Variants in OSBPL9 observed in about 807,000 individuals in gnomAD.
OSBPL9 encodes oxysterol-binding protein-related protein 9.
OSBPL9 carries 40 observed loss-of-function variants against 106.6 expected under a neutral mutation model. That is an observed-to-expected ratio of 0.38 (90% CI 0.29 to 0.49). OSBPL9 has a LOEUF of 0.49. Ranked by LOEUF, OSBPL9 falls within the 20% of genes least tolerant of loss-of-function variation. OSBPL9 has a pLI of 0.97. For missense variants in OSBPL9, 609 were observed against 887.2 expected (o/e 0.69, Z 3.98); for synonymous variants, 269 against 295.4 (o/e 0.91, Z 0.92).
At chr1:51,783,709 A>G (rs1676938258) in intron 17 of OSBPL9, among the ~76,000 whole-genome samples, 2 of 152,152 alleles carry the variant, frequency 1.3e-5, no homozygotes, top group Admixed American at 1.3e-4. Flanking sequence ...GCATCATTTC[A>G]GGGATGATCC....
intron 2 of OSBPL9, among the ~76,000 whole-genome samples, chr1:51,609,939 G>C (rs1170151094): frequency 3.3e-5 from 5 of 151,734 alleles, no homozygotes; most frequent in African/African-American, 9.7e-5. Flanking sequence ...AGTAGAGATG[G>C]GGTTTCACCA....
At chr1:51,617,290 G>A (rs879805512) in intron 1 of OSBPL9, 69 bp downstream of exon 1, 1 of 1,477,352 alleles carries the variant, frequency 6.8e-7, no homozygotes, top group Admixed American at 2.2e-5. Context: ...TGGGGGACCG[G>A]GGTTTTAGGT....
the OSBPL9 span, among the ~76,000 whole-genome samples, chr1:51,549,441 C>G: frequency 1.3e-5 from 2 of 152,190 alleles, no homozygotes; most frequent in African/African-American, 4.8e-5. Context: ...GATCCTGCAC[C>G]TGCTATGTTC....
chr1:51,526,025 C>T, the OSBPL9 span, among the ~76,000 whole-genome samples: 1 of 152,124 alleles, frequency 6.6e-6, no homozygotes, highest in East Asian at 1.9e-4. Context: ...TACAGGTTCA[C>T]ACCACCACAC....
chr1:51,714,199 G>A, intron 4 of OSBPL9, 120 bp downstream of exon 4: 2 of 654,806 alleles, frequency 3.1e-6, no homozygotes, highest in Non-Finnish European at 4.9e-6. Context: ...TATAATTTCT[G>A]AGTTGCTTAT....
Position 51,787,910 on chromosome 1 carries a change from C to A in OSBPL9, c.*121C>A. Reference sequence around the variant, plus strand: ...CTTCTAATTACAGTGGTTCCTATCTCAGGGATACTGGACTTTCTGACGCAG... The same window carrying A: ...CTTCTAATTACAGTGGTTCCTATCTAAGGGATACTGGACTTTCTGACGCAG... On this transcript the variant is annotated 3_prime_UTR_variant, in exon 24 of 24. Coordinates refer to ENST00000428468, the MANE Select transcript of OSBPL9 (RefSeq NM_024586.6). 1.1e-6 allele frequency: 1 copy of A among 874,620 alleles called. No homozygotes were observed. Among genetic ancestry groups the A allele is most frequent in the Non-Finnish European group, 1.8e-6 (1 of 547,376 alleles). 54.2% of individuals were successfully genotyped at this position (874,620 alleles called of 1,614,324 possible).
chr1:51,704,733 A>C (rs1206410792), intron 3 of OSBPL9, among the ~76,000 whole-genome samples: 1 of 152,194 alleles, frequency 6.6e-6, no homozygotes, highest in Non-Finnish European at 1.5e-5. Flanking sequence ...CACATTAAAG[A>C]GGGTTCTACC....
intron 2 of OSBPL9, among the ~76,000 whole-genome samples, chr1:51,665,024 C>T (rs1648104483): frequency 6.6e-6 from 1 of 152,238 alleles, no homozygotes; most frequent in Admixed American, 6.5e-5. Flanking sequence ...TGTTATCCAA[C>T]AGACCTTTCT....
upstream of OSBPL9, chr1:51,617,005 G>C (rs1216559554): frequency 6.6e-7 from 1 of 1,513,210 alleles, no homozygotes; most frequent in Non-Finnish European, 8.8e-7. Context: ...CACCGCCCAG[G>C]ACCCGCCCAG....
chr1:51,607,136 A>G (rs930683747), intron 2 of OSBPL9, among the ~76,000 whole-genome samples: 9 of 151,038 alleles, frequency 6.0e-5, no homozygotes, highest in African/African-American at 2.2e-4. Flanking sequence ...CAAACTGACT[A>G]CAGATGTTTT....
chr1:51,676,748 T>C (rs1651333840), intron 3 of OSBPL9, among the ~76,000 whole-genome samples: 1 of 151,960 alleles, frequency 6.6e-6, no homozygotes, highest in Admixed American at 6.6e-5. Flanking sequence ...TTCAAACCAT[T>C]CCACAATGTA....
intron 12 of OSBPL9, among the ~76,000 whole-genome samples, chr1:51,770,137 A>ATT (rs111908339): frequency 5.7e-5 from 8 of 141,320 alleles, no homozygotes; most frequent in South Asian, 4.5e-4. Context: ...TGCCCAGCTA[A>ATT]TTTTTTTTTT....
At chr1:51,609,650 C>G (rs1643972745) in intron 2 of OSBPL9, among the ~76,000 whole-genome samples, 1 of 151,892 alleles carries the variant, frequency 6.6e-6, no homozygotes, top group African/African-American at 2.4e-5. Flanking sequence ...CACTCCTGGC[C>G]AGCTACCGCC....
intron 4 of OSBPL9, among the ~76,000 whole-genome samples, chr1:51,737,897 A>G (rs1278361995): frequency 6.6e-6 from 1 of 152,080 alleles, no homozygotes; most frequent in East Asian, 1.9e-4. Context: ...GAGGGTGACC[A>G]TGTAATTTAT....
intron 1 of OSBPL9, among the ~76,000 whole-genome samples, chr1:51,647,404 G>A (rs138981056): frequency 3.9e-5 from 6 of 152,058 alleles, no homozygotes; most frequent in Middle Eastern, 3.4e-3. Flanking sequence ...TCTGGTTTTG[G>A]TATTAGAATA....
intron 1 of OSBPL9, among the ~76,000 whole-genome samples, chr1:51,581,939 G>C (rs150928193): frequency 6.6e-6 from 1 of 152,048 alleles, no homozygotes; most frequent in East Asian, 1.9e-4. Flanking sequence ...GACGCTCAAG[G>C]CTCATCTTGT....
At chr1:51,592,721 A>G (rs1645283014) in intron 1 of OSBPL9, among the ~76,000 whole-genome samples, 2 of 152,140 alleles carry the variant, frequency 1.3e-5, no homozygotes, top group Non-Finnish European at 1.5e-5. Flanking sequence ...TGGCTTCATC[A>G]ACTGCCTGGG....
chr1:51,658,245 C>G (rs1314849500), intron 2 of OSBPL9, among the ~76,000 whole-genome samples: 5 of 152,152 alleles, frequency 3.3e-5, no homozygotes, highest in African/African-American at 1.2e-4. Flanking sequence ...CCCTATTTCC[C>G]ATATCTCTGG....
chr1:51,531,535 C>T, the OSBPL9 span, among the ~76,000 whole-genome samples: 1 of 152,170 alleles, frequency 6.6e-6, no homozygotes, highest in East Asian at 1.9e-4. Flanking sequence ...CGGATGATGC[C>T]AGGGATTTTG....
Sources: gnomAD v4.1 joint callset for allele counts (sites outside exome capture counted in the v4.1 genomes callset) on GRCh38, gnomAD v4.1.1 for gene constraint, MANE v1.5 for transcripts, NCBI Gene and HGNC (gene_info 2026-07-23, HGNC 2026-07-21) for gene names.